The following TPO variants were observed in gnomAD, a reference collection of about 807,000 sequenced individuals.
The protein encoded by TPO is thyroid peroxidase.
TPO carries 78 observed loss-of-function variants against 96.9 expected under a neutral mutation model. That is an observed-to-expected ratio of 0.81 (90% CI 0.67 to 0.97). TPO has a LOEUF of 0.97. TPO is among the 50% of genes least tolerant of loss of function. TPO has a pLI of 0.00. For synonymous variants in TPO, 547 were observed against 538.0 expected, an observed-to-expected ratio of 1.02 and a Z score of -0.23; for missense variants, 1,252 against 1,274.8, an observed-to-expected ratio of 0.98 and a Z score of 0.27.
At chr2:1,449,103 G>GAA (rs1667096809) in intron 5 of TPO, among the ~76,000 whole-genome samples, 1 of 152,172 alleles carries the variant, frequency 6.6e-6, no homozygotes, top group East Asian at 1.9e-4. Context: ...GAACAATTCT[G>GAA]GGGGAGACGA....
chr2:1,390,997 G>A (rs567877755), intron 1 of TPO, among the ~76,000 whole-genome samples: 3 of 152,240 alleles, frequency 2.0e-5, no homozygotes, highest in African/African-American at 7.2e-5. Context: ...TCACTCTGAT[G>A]GTAGTTTCTT....
At chr2:1,523,878 G>A (rs1260250374) in intron 15 of TPO, among the ~76,000 whole-genome samples, 4 of 77,288 alleles carry the variant, frequency 5.2e-5, no homozygotes, top group African/African-American at 2.3e-4. Flanking sequence ...TCCCCCCAGT[G>A]TGTACAACTT....
rs201781919 is a variant in TPO, at chr2:1,477,348, G to A, written c.1082G>A (p.Arg361His). Reference protein sequence around the residue: ...RVHARLRDSGRAYLPFVPPRA... With the variant: ...RVHARLRDSGHAYLPFVPPRA... ...CACGCGCGCCTCCGGGACTCCGGCC[G>A]CGCCTACCTGCCCTTCGTGCCGCCA... The change falls in exon 8 of 17, where the codon CGC becomes CAC. Residue 361 changes from arginine to histidine, a missense_variant. By Grantham distance (29) the Arg-to-His change is conservative (BLOSUM62 0). Coordinates refer to ENST00000329066, the MANE Select transcript of TPO (RefSeq NM_001206744.2). The A allele has an allele frequency of 5.2e-6, 8 of 1,547,866 alleles. No individual in the cohort carries two copies. The Admixed American group carries it at 5.8e-5, about 11-fold the overall frequency.
At position 1,498,729 on chromosome 2, in the gene TPO, G is replaced by A. The variant is rs550053421; in HGVS notation, c.2386+1964G>A. ...GATAGAAACACAACTACTCTGTCGG[G>A]TGATGACATCTGTGTAAACTCGTGG... is the stretch of plus-strand genomic sequence containing the variant. On this transcript the variant is annotated intron_variant, in intron 13 of 16. Transcript: ENST00000329066. Among the ~76,000 whole-genome samples the A allele has an allele frequency of 5.3e-5, 8 of 152,306 alleles. No individual in the cohort carries two copies. In the South Asian group the frequency reaches 1.7e-3, roughly 32 times the overall value.
intron 1 of TPO, among the ~76,000 whole-genome samples, chr2:1,374,976 A>G (rs1661700030): frequency 6.6e-6 from 1 of 151,908 alleles, no homozygotes; most frequent in African/African-American, 2.4e-5. Flanking sequence ...TCATCTACCC[A>G]CCTTGGCCTC....
At chr2:1,541,097 G>A in intron 16 of TPO, 1 of 1,202,712 alleles carries the variant, frequency 8.3e-7, no homozygotes, top group Non-Finnish European at 1.1e-6. Context: ...TAATCAGTGT[G>A]GAAAAATGTG....
At chr2:1,445,730 T>C (rs1483190251) in intron 5 of TPO, among the ~76,000 whole-genome samples, 4 of 125,936 alleles carry the variant, frequency 3.2e-5, no homozygotes, top group Non-Finnish European at 6.8e-5. Context: ...GATCCAGTCA[T>C]TGCTGCAGGA....
intron 15 of TPO, among the ~76,000 whole-genome samples, chr2:1,533,863 T>A (rs1318574750): frequency 3.8e-5 from 3 of 79,150 alleles, no homozygotes; most frequent in African/African-American, 1.4e-4. Context: ...TTGTGAAACC[T>A]CCCCAAATCC....
chr2:1,506,691 A>C (rs2125019882), intron 14 of TPO, among the ~76,000 whole-genome samples: 1 of 152,302 alleles, frequency 6.6e-6, no homozygotes, highest in Admixed American at 6.5e-5. Flanking sequence ...TCTTTTGAGA[A>C]GTGTCTGTTC....
upstream of TPO, among the ~76,000 whole-genome samples, chr2:1,412,890 T>C (rs1440648325): frequency 6.6e-6 from 1 of 152,162 alleles, no homozygotes; most frequent in Non-Finnish European, 1.5e-5. Context: ...ATCTCTGTCT[T>C]TGTGGGGACT....
chr2:1,422,201 C>A (rs1440944249), intron 2 of TPO, among the ~76,000 whole-genome samples: 1 of 146,362 alleles, frequency 6.8e-6, no homozygotes, highest in South Asian at 2.2e-4. Flanking sequence ...CGGAGCAGGG[C>A]AGAGTGAGCA....
At chr2:1,442,082 A>G (rs1294194272) in intron 5 of TPO, among the ~76,000 whole-genome samples, 1 of 152,212 alleles carries the variant, frequency 6.6e-6, no homozygotes, top group African/African-American at 2.4e-5. Context: ...GCCGCCATCC[A>G]TGTAAGACAT....
intron 10 of TPO, among the ~76,000 whole-genome samples, chr2:1,489,060 A>G (rs1333955803): frequency 5.9e-5 from 9 of 151,814 alleles, no homozygotes; most frequent in African/African-American, 2.2e-4. Flanking sequence ...ACACCCGCAC[A>G]TGCCCGGCAC....
At chr2:1,441,717 T>G (rs1666211209) in intron 5 of TPO, among the ~76,000 whole-genome samples, 5 of 152,160 alleles carry the variant, frequency 3.3e-5, no homozygotes, top group Admixed American at 2.6e-4. Context: ...AGGGGTCACG[T>G]CACTTGCAGG....
chr2:1,400,584 A>G (rs1423344587), intron 1 of TPO, among the ~76,000 whole-genome samples: 13 of 150,538 alleles, frequency 8.6e-5, no homozygotes, highest in South Asian at 2.1e-4. Context: ...AAAAAAAAAA[A>G]AAAAGAAATA....
intron 1 of TPO, among the ~76,000 whole-genome samples, chr2:1,400,568 C>CAAAAAAAAAAA (rs34242408): frequency 0.012 from 830 of 71,566 alleles, 54 homozygotes; most frequent in East Asian, 0.04. Context: ...GACTCTGTCT[C>CAAAAAAAAAAA]AAAAAAAAAA....
intron 1 of TPO, among the ~76,000 whole-genome samples, chr2:1,379,487 G>A (rs776928197): frequency 6.6e-6 from 1 of 152,150 alleles, no homozygotes; most frequent in Admixed American, 6.5e-5. Context: ...TCAGAAGGGA[G>A]CCGTGGAATG....
Position 1,494,031 on chromosome 2 carries a change from CG to C in TPO, c.2000del (p.Gly667ValfsTer61). ...GGAAGCAGATGAAGGCTCTGCGGGA[CG>C]GTGACTGGTACGTTCCTATCCAGAG... ...IGKQMKALRD[G>X]DWFWWENSHV... On this transcript the variant is annotated frameshift_variant, in exon 11 of 17. Coordinates refer to ENST00000329066, the MANE Select transcript of TPO (RefSeq NM_001206744.2). LOFTEE classifies it high-confidence loss of function. 3 of 1,613,656 alleles carry C rather than the reference CG, an allele frequency of 1.9e-6. No homozygotes were observed. The highest frequency in any genetic ancestry group is 2.5e-6 in the Non-Finnish European group (3 of 1,179,862).
chr2:1,509,196 T>G (rs531372446), intron 14 of TPO, among the ~76,000 whole-genome samples: 5 of 152,320 alleles, frequency 3.3e-5, no homozygotes, highest in African/African-American at 1.2e-4. Context: ...TTGAGCGGTT[T>G]TGAGTGAGTT....
Sources: gnomAD v4.1 joint callset for allele counts (sites outside exome capture counted in the v4.1 genomes callset) on GRCh38, gnomAD v4.1.1 for gene constraint, MANE v1.5 for transcripts, NCBI Gene and HGNC (gene_info 2026-07-23, HGNC 2026-07-21) for gene names.